Variants in ADAMTS16 observed in about 807,000 individuals in gnomAD.
ADAMTS16 encodes the protein ADAM metallopeptidase with thrombospondin type 1 motif 16.
A neutral mutation model predicts 145.8 loss-of-function variants in ADAMTS16; 94 were observed. The ratio of observed to expected loss-of-function variants is 0.64; its 90% CI spans 0.55 to 0.77. The LOEUF (loss-of-function observed/expected upper bound fraction) is 0.77. ADAMTS16 is among the 30% of genes least tolerant of loss of function. ADAMTS16 has a pLI of 0.00. For missense variants in ADAMTS16, 1,585 were observed against 1,591.5 expected (o/e 1.00, Z 0.07); for synonymous variants, 659 against 604.3 (o/e 1.09, Z -1.33).
intron 3 of ADAMTS16, among the ~76,000 whole-genome samples, chr5:5,171,083 C>T (rs1735030678): frequency 6.6e-6 from 1 of 152,126 alleles, no homozygotes; most frequent in South Asian, 2.1e-4. Flanking sequence ...TCATTGTTAG[C>T]ATATAGAAAT....
chr5:5,205,989 G>A lies in ADAMTS16; in HGVS notation c.1452-3104G>A, dbSNP rs1173730813. Among the ~76,000 whole-genome samples, 3 of 151,892 alleles carry A rather than the reference G, an allele frequency of 2.0e-5. No individual in the cohort carries two copies. The East Asian group carries it at 5.8e-4, about 29-fold the overall frequency. ...GTCAATTATTTCTTTCATTGATTAT[G>A]CCTTTGATGTTGTATCAAAAAAGCC... On this transcript the variant is annotated intron_variant, in intron 9 of 22. Transcript: ENST00000274181.
At chr5:5,219,058 C>G (rs1275902125) in intron 10 of ADAMTS16, among the ~76,000 whole-genome samples, 1 of 152,068 alleles carries the variant, frequency 6.6e-6, no homozygotes, top group Non-Finnish European at 1.5e-5. Flanking sequence ...ACAGGAGTGT[C>G]TGTTCTCACT....
intron 2 of ADAMTS16, among the ~76,000 whole-genome samples, chr5:5,144,491 G>A (rs921070714): frequency 1.2e-4 from 18 of 152,110 alleles, no homozygotes; most frequent in African/African-American, 2.7e-4. Context: ...CCAATTATCC[G>A]TTGTTGATTA....
chr5:5,196,204 C>T (rs1469351007), intron 8 of ADAMTS16, among the ~76,000 whole-genome samples: 1 of 146,162 alleles, frequency 6.8e-6, no homozygotes, highest in African/African-American at 2.6e-5. Flanking sequence ...CGCCACCGCA[C>T]TCCAGCCTGG....
rs918378440 is a variant in ADAMTS16, at chr5:5,228,522, A to C, written c.1702-3846A>C. 2.0e-5 allele frequency among the ~76,000 whole-genome samples: 3 copies of C among 152,272 alleles called. No homozygotes were observed. In the South Asian group the frequency reaches 6.2e-4, roughly 32 times the overall value. On this transcript the variant is annotated intron_variant, in intron 11 of 22. Transcript: ENST00000274181. The stretch of plus-strand genomic sequence containing the variant: ...TTCTTTAAAATTAAAATTTTTAAAG[A>C]TACACTCACACAAAAGCTCTATTTA...
At chr5:5,241,854 T>C (rs79891495) in intron 16 of ADAMTS16, among the ~76,000 whole-genome samples, 199 bp from the exon 17 acceptor site, 88 of 150,420 alleles carry the variant, frequency 5.9e-4, no homozygotes, top group African/African-American at 2.1e-3. Context: ...AGTCTAGACA[T>C]TTTTTTAGAT....
chr5:5,217,572 T>G (rs534277809), intron 10 of ADAMTS16, among the ~76,000 whole-genome samples: 1 of 152,302 alleles, frequency 6.6e-6, no homozygotes, highest in East Asian at 1.9e-4. Context: ...AGTGTGCCAT[T>G]CACAATATTG....
chr5:5,146,543 T>C (rs1409706801), intron 3 of ADAMTS16, 88 bp downstream of exon 3: 2 of 1,346,152 alleles, frequency 1.5e-6, no homozygotes, highest in Admixed American at 2.2e-5. Flanking sequence ...CGATTTCGCA[T>C]AGATGTTCTT....
intron 9 of ADAMTS16, among the ~76,000 whole-genome samples, chr5:5,208,706 G>A (rs1736195824): frequency 6.6e-6 from 1 of 152,178 alleles, no homozygotes; most frequent in Non-Finnish European, 1.5e-5. Flanking sequence ...AATAGAGTAT[G>A]TTTTATTTTT....
chr5:5,207,566 T>G (rs529285443), intron 9 of ADAMTS16, among the ~76,000 whole-genome samples: 5 of 152,290 alleles, frequency 3.3e-5, no homozygotes, highest in Admixed American at 2.6e-4. Flanking sequence ...GCACTTCCAA[T>G]ACAATGTTGA....
rs957618514 is a variant in ADAMTS16 at position 5,242,964 on chromosome 5, G to A, written c.2662+773G>A. 1.6e-4 allele frequency among the ~76,000 whole-genome samples: 24 copies of A among 152,098 alleles called. 1 individual carries two copies. Among genetic ancestry groups the A allele is most frequent in the Non-Finnish European group, 7.4e-5 (5 of 68,010 alleles). ...TGGATTTCAGCTTTATGCAATCTAG[G>A]TTTTCATAACTAAGAAGTTAATTTA... On this transcript the variant is annotated intron_variant, in intron 17 of 22. Transcript: ENST00000274181.
chr5:5,245,533 T>C (rs1737416488), intron 17 of ADAMTS16, among the ~76,000 whole-genome samples: 1 of 152,198 alleles, frequency 6.6e-6, no homozygotes, highest in African/African-American at 2.4e-5. Flanking sequence ...TGCATAGACC[T>C]CCTGATGTTC....
At chr5:5,219,498 C>A (rs1350896173) in intron 10 of ADAMTS16, among the ~76,000 whole-genome samples, 2 of 152,308 alleles carry the variant, frequency 1.3e-5, no homozygotes, top group South Asian at 4.1e-4. Context: ...ATTTTGTCAT[C>A]GCAACTCTTT....
intron 18 of ADAMTS16, among the ~76,000 whole-genome samples, chr5:5,277,568 C>T (rs1738751934): frequency 6.6e-6 from 1 of 152,218 alleles, no homozygotes; most frequent in African/African-American, 2.4e-5. Context: ...ATTCCTCTCT[C>T]AGCTCCAGCC....
intron 10 of ADAMTS16, among the ~76,000 whole-genome samples, chr5:5,215,521 G>A (rs1260347284): frequency 6.6e-6 from 1 of 151,684 alleles, no homozygotes; most frequent in Non-Finnish European, 1.5e-5. Flanking sequence ...AAAGTTCATT[G>A]TATCATTCTT....
At chr5:5,141,717 A>G (rs549121056) in intron 2 of ADAMTS16, among the ~76,000 whole-genome samples, 254 of 152,360 alleles carry the variant, frequency 1.7e-3, no homozygotes, top group African/African-American at 5.9e-3. Context: ...AGTTATTTCA[A>G]TTTGATAAAA....
chr5:5,168,351 A>ACAT (rs1253016065), intron 3 of ADAMTS16, among the ~76,000 whole-genome samples: 1 of 94,998 alleles, frequency 1.1e-5, no homozygotes, highest in Non-Finnish European at 2.2e-5. Flanking sequence ...TTTATCCGAA[A>ACAT]CATTATTATT....
In ADAMTS16 at chr5:5,237,655, G is replaced by A. The variant is rs545339975; in HGVS notation, c.2154+556G>A. Reference sequence around the variant, plus strand: ...CAGTGGAGCCACAGGATTTGGTTGCGGTTTGTGGGCAGTAGTGTGGAGAGT... The same window carrying A: ...CAGTGGAGCCACAGGATTTGGTTGCAGTTTGTGGGCAGTAGTGTGGAGAGT... On this transcript the variant is annotated intron_variant, in intron 14 of 22. Coordinates refer to ENST00000274181, the MANE Select transcript of ADAMTS16 (RefSeq NM_139056.4). 5.9e-5 allele frequency among the ~76,000 whole-genome samples: 9 copies of A among 152,226 alleles called. No individual in the cohort carries two copies. In the South Asian group the frequency reaches 1.2e-3, roughly 21 times the overall value.
intron 3 of ADAMTS16, among the ~76,000 whole-genome samples, chr5:5,172,525 A>G (rs1467763196): frequency 6.6e-6 from 1 of 152,136 alleles, no homozygotes; most frequent in African/African-American, 2.4e-5. Context: ...CATATTATTT[A>G]ATTTCCATGT....
Sources: allele counts gnomAD v4.1 joint callset (sites outside exome capture counted in the v4.1 genomes callset), GRCh38; gene constraint gnomAD v4.1.1; transcripts MANE v1.5; gene names NCBI Gene and HGNC (gene_info 2026-07-23, HGNC 2026-07-21).